KTN1: variants seen among roughly 807,000 people sequenced by gnomAD.
The protein encoded by KTN1 is kinectin 1.
A neutral mutation model predicts 222.5 loss-of-function variants in KTN1; 130 were observed. The ratio of observed to expected loss-of-function variants is 0.58; its 90% CI spans 0.51 to 0.68. KTN1 has a LOEUF of 0.68. KTN1 is among the 30% of genes least tolerant of loss of function. The probability of loss-of-function intolerance (pLI) is 0.00; values close to 1 mark genes in which losing one functional copy is unlikely to be tolerated. For synonymous variants in KTN1, 512 were observed against 496.3 expected (o/e 1.03, Z -0.42); for missense variants, 1,508 against 1,500.4 (o/e 1.01, Z -0.08).
Position 55,612,321 on chromosome 14 carries a change from A to T in KTN1, c.273A>T (p.Ala91=), listed in dbSNP as rs34879854. ...PRDFKLSDAL[A]VEDDQVAPVP... The stretch of plus-strand genomic sequence containing the variant: ...ACTTTAAATTATCAGATGCTTTGGC[A>T]GTAGAAGATGATCAAGTTGCACCTG... The change falls in exon 2 of 44, where the codon GCA becomes GCT. Residue 91 remains alanine, a synonymous_variant. Coordinates refer to ENST00000395314, the MANE Select transcript of KTN1 (RefSeq NM_001079521.2). 0.044 allele frequency: 71,121 copies of T among 1,614,052 alleles called. 1,914 individuals are homozygous for T. The highest frequency in any genetic ancestry group is 0.051 in the Non-Finnish European group (60,054 of 1,179,958).
chr14:55,615,626 G>T (rs892437956), intron 2 of KTN1, among the ~76,000 whole-genome samples: 1 of 152,142 alleles, frequency 6.6e-6, no homozygotes, highest in African/African-American at 2.4e-5. Flanking sequence ...TGGGACACTG[G>T]GGGATCTGAG....
At chr14:55,641,471 T>A (rs966550303) in intron 17 of KTN1, among the ~76,000 whole-genome samples, 3 of 152,130 alleles carry the variant, frequency 2.0e-5, no homozygotes, top group Non-Finnish European at 4.4e-5. Context: ...GTCTTATTTG[T>A]CTCCACTGTT....
Position 55,644,532 on chromosome 14 carries a change from A to T in KTN1, c.2173-2441A>T. 5.2e-6 allele frequency: 3 copies of T among 574,798 alleles called. No homozygotes were observed. The South Asian group carries it at 6.5e-5, about 12-fold the overall frequency. The allele number at this position is 574,798 out of a possible 1,614,324, so 35.6% of individuals were successfully genotyped here. ...GTCAGATAATGCAAATAAATCATTT[A>T]CTAATATTTCATTTACTCAGAATAA... On this transcript the variant is annotated intron_variant, in intron 18 of 43. Transcript: ENST00000395314.
chr14:55,639,228 C>T lies in KTN1; in HGVS notation c.1823+6C>T, dbSNP rs1324897309. ...GCAGAAGAATTACATAAAGTGTAAG[C>T]CTACCTTTTCACACTCTTATAATTG... On this transcript the variant is annotated splice_donor_region_variant and intron_variant, in intron 13 of 43. Transcript: ENST00000395314. The T allele has an allele frequency of 1.3e-6, 2 of 1,595,718 alleles. No homozygotes were observed. Among genetic ancestry groups the T allele is most frequent in the Non-Finnish European group, 1.7e-6 (2 of 1,164,068 alleles).
Position 55,664,014 on chromosome 14 carries a change from G to T in KTN1, c.3150G>T (p.Leu1050=), listed in dbSNP as rs1199537750. ...CATTGGCATCAACTGAAAAAATGCTGCAGGACAAAGTGAACAAGACTTCCA... is the reference window on the plus strand; with the variant it reads ...CATTGGCATCAACTGAAAAAATGCTTCAGGACAAAGTGAACAAGACTTCCA... ...MEALASTEKM[L]QDKVNKTSKE... is the part of the protein sequence containing the mutation. The change falls in exon 33 of 44, where the codon CTG becomes CTT. Residue 1050 remains leucine (L), a synonymous_variant. Coordinates refer to ENST00000395314, the MANE Select transcript of KTN1 (RefSeq NM_001079521.2). The T allele has an allele frequency of 1.2e-6, 2 of 1,612,080 alleles. No homozygotes were observed. The highest frequency in any genetic ancestry group is 1.7e-6 in the Non-Finnish European group (2 of 1,178,700).
At chr14:55,656,329 A>G (rs956383064) in intron 29 of KTN1, 197 bp downstream of exon 29, 1 of 501,598 alleles carries the variant, frequency 2.0e-6, no homozygotes. Context: ...CTTGTTTATT[A>G]AATACTCTGT....
Position 55,627,915 on chromosome 14 carries a change from A to C in KTN1, c.967A>C (p.Ser323Arg), listed in dbSNP as rs754024790. The C allele has an allele frequency of 1.3e-5, 20 of 1,592,246 alleles. No homozygotes were observed. The highest frequency in any genetic ancestry group is 1.7e-5 in the Admixed American group (1 of 59,600). ...GVIQDALKKS[S>R]KGELTTLIHQ... ...TGCATTGCTTTCTCAATTGCAGTCA[A>C]GTAAGGGAGAATTGACTACGCTTAT... Residue 323 changes from serine (S) to arginine (R), a missense_variant, in exon 6 of 44, where the codon AGT (serine) becomes CGT (arginine). By Grantham distance (110) the Ser-to-Arg change is moderately radical. Coordinates refer to ENST00000395314, the MANE Select transcript of KTN1 (RefSeq NM_001079521.2).
chr14:55,670,640 C>A, intron 34 of KTN1, 89 bp from the exon 35 acceptor site: 3 of 825,498 alleles, frequency 3.6e-6, no homozygotes, highest in Non-Finnish European at 3.8e-6. Flanking sequence ...TTATAATTAT[C>A]TAATTTGGTT....
Position 55,664,812 on chromosome 14 carries a change from T to C in KTN1, c.3177+771T>C, listed in dbSNP as rs190910774. ...CAGTCCAGTTAAGTATTTTGAAAATTCCTGTCAAGTGTAAATGTGAAACAG... is the reference window on the plus strand; with the variant it reads ...CAGTCCAGTTAAGTATTTTGAAAATCCCTGTCAAGTGTAAATGTGAAACAG... On this transcript the variant is annotated intron_variant, in intron 33 of 43. Coordinates refer to ENST00000395314, the MANE Select transcript of KTN1 (RefSeq NM_001079521.2). 1.2e-4 allele frequency among the ~76,000 whole-genome samples: 18 copies of C among 152,220 alleles called. No homozygotes were observed. In the East Asian group the frequency reaches 2.7e-3, roughly 23 times the overall value.
intron 31 of KTN1, 198 bp from the exon 32 acceptor site, chr14:55,661,324 A>G: frequency 2.2e-6 from 1 of 461,476 alleles, no homozygotes; most frequent in Non-Finnish European, 3.8e-6. Flanking sequence ...TAGGCATAAA[A>G]ACTTATATTA....
chr14:55,587,615 T>G (rs1252273914), intron 1 of KTN1, among the ~76,000 whole-genome samples: 1 of 152,216 alleles, frequency 6.6e-6, no homozygotes, highest in Admixed American at 6.5e-5. Context: ...ACTTGCCTAC[T>G]TTATTGGGAA....
intron 32 of KTN1, chr14:55,663,659 T>G: frequency 3.7e-6 from 1 of 268,688 alleles, no homozygotes; most frequent in Non-Finnish European, 7.1e-6. Context: ...ATGTATGTAT[T>G]CTTGGTTTGT....
chr14:55,650,679 T>A, intron 24 of KTN1, 42 bp downstream of exon 24: 1 of 1,405,822 alleles, frequency 7.1e-7, no homozygotes, highest in Non-Finnish European at 1.0e-6. Context: ...TTATTAGTTG[T>A]GTTATTTATG....
At chr14:55,631,542 C>A (rs2040539822) in intron 7 of KTN1, among the ~76,000 whole-genome samples, 1 of 151,766 alleles carries the variant, frequency 6.6e-6, no homozygotes, top group Non-Finnish European at 1.5e-5. Flanking sequence ...TGTCTGTAAT[C>A]CCAGCCGAGG....
chr14:55,609,831 C>T (rs993410419), intron 1 of KTN1, among the ~76,000 whole-genome samples: 2 of 150,456 alleles, frequency 1.3e-5, no homozygotes, highest in East Asian at 1.9e-4. Flanking sequence ...TTTTCTCCCT[C>T]GACTGCCCAG....
chr14:55,600,684 T>G (rs2035841214), intron 1 of KTN1, among the ~76,000 whole-genome samples: 1 of 152,166 alleles, frequency 6.6e-6, no homozygotes, highest in African/African-American at 2.4e-5. Context: ...GAGGAAAGCT[T>G]CTGTACATGG....
chr14:55,621,739 A>G (rs1181116899), intron 5 of KTN1, among the ~76,000 whole-genome samples: 2 of 152,152 alleles, frequency 1.3e-5, no homozygotes, highest in Non-Finnish European at 2.9e-5. Context: ...CAGCCAAACC[A>G]TATCATATAT....
intron 3 of KTN1, 25 bp downstream of exon 3, chr14:55,616,679 T>C (rs757829369): frequency 6.4e-7 from 1 of 1,563,502 alleles, no homozygotes; most frequent in Non-Finnish European, 8.6e-7. Flanking sequence ...TATGTATTTT[T>C]ATAATGCTAA....
chr14:55,673,704 T>C (rs1358573861), intron 40 of KTN1: 1 of 152,938 alleles, frequency 6.5e-6, no homozygotes, highest in Non-Finnish European at 1.5e-5. Context: ...TAATCCAGTT[T>C]CTAATTTTAA....
Sources: gnomAD v4.1 joint callset for allele counts (sites outside exome capture counted in the v4.1 genomes callset) on GRCh38, gnomAD v4.1.1 for gene constraint, MANE v1.5 for transcripts, NCBI Gene and HGNC (gene_info 2026-07-23, HGNC 2026-07-21) for gene names.